The following ERBB4 variants were observed in gnomAD, a reference collection of about 807,000 sequenced individuals.
ERBB4 encodes the protein receptor tyrosine-protein kinase erbB-4.
Under a neutral mutation model 158.0 loss-of-function variants are expected in ERBB4, and 42 were observed. The observed-to-expected ratio is 0.27, with a 90% CI of 0.21 to 0.34. ERBB4 has a LOEUF of 0.34. ERBB4 is among the 10% of genes least tolerant of loss of function. ERBB4 has a pLI of 1.00. For missense variants in ERBB4, 1,333 were observed against 1,624.1 expected, an observed-to-expected ratio of 0.82 and a Z score of 3.08; for synonymous variants, 583 against 558.7, an observed-to-expected ratio of 1.04 and a Z score of -0.61.
intron 3 of ERBB4, among the ~76,000 whole-genome samples, chr2:211,830,986 C>A: frequency 6.6e-6 from 1 of 151,242 alleles, no homozygotes; most frequent in African/African-American, 2.4e-5. Context: ...GAGTGGAACA[C>A]ATTAAAATGT....
chr2:212,395,614 CTTTTTTTTT>C (rs760604732), intron 1 of ERBB4, among the ~76,000 whole-genome samples: 1 of 84,736 alleles, frequency 1.2e-5, no homozygotes, highest in Non-Finnish European at 2.2e-5. Flanking sequence ...CAGTTACACT[CTTTTTTTTT>C]TTTTTTTTTT....
chr2:212,108,699 G>A (rs1443408173), intron 2 of ERBB4, among the ~76,000 whole-genome samples: 1 of 142,042 alleles, frequency 7.0e-6, no homozygotes, highest in East Asian at 2.0e-4. Context: ...TGTTAGAAAT[G>A]GGTCTGCTTT....
chr2:212,095,718 G>A (rs1394204142), intron 2 of ERBB4, among the ~76,000 whole-genome samples: 2 of 152,036 alleles, frequency 1.3e-5, no homozygotes, highest in African/African-American at 4.8e-5. Context: ...GGATCACGAG[G>A]TCAGGAGATC....
At chr2:212,151,009 T>C (rs987252523) in intron 1 of ERBB4, among the ~76,000 whole-genome samples, 2 of 152,098 alleles carry the variant, frequency 1.3e-5, no homozygotes, top group Admixed American at 1.3e-4. Context: ...GGTACCCACC[T>C]TGCAAAAGGT....
At chr2:211,809,813 T>C (rs1304196175) in intron 3 of ERBB4, among the ~76,000 whole-genome samples, 1 of 152,210 alleles carries the variant, frequency 6.6e-6, no homozygotes, top group Non-Finnish European at 1.5e-5. Context: ...TCCTGCTGTC[T>C]CTTGTGGGCA....
chr2:211,697,372 A>G (rs1263444906), intron 12 of ERBB4, among the ~76,000 whole-genome samples: 1 of 152,332 alleles, frequency 6.6e-6, no homozygotes, highest in East Asian at 1.9e-4. Flanking sequence ...CTAGATGAAA[A>G]GAATTGTCTA....
chr2:211,428,597 T>G, intron 21 of ERBB4, 114 bp from the exon 22 acceptor site: 2 of 592,906 alleles, frequency 3.4e-6, no homozygotes, highest in South Asian at 4.2e-5. Flanking sequence ...TTATTATGTG[T>G]GTATAGATAT....
At chr2:211,674,640 A>G (rs1462006337) in intron 13 of ERBB4, among the ~76,000 whole-genome samples, 1 of 152,148 alleles carries the variant, frequency 6.6e-6, no homozygotes, top group Non-Finnish European at 1.5e-5. Context: ...TGCATGCTTC[A>G]CTGACATAAA....
chr2:211,945,692 T>C (rs2080669359), intron 3 of ERBB4, among the ~76,000 whole-genome samples: 1 of 152,084 alleles, frequency 6.6e-6, no homozygotes, highest in Non-Finnish European at 1.5e-5. Context: ...GTATGAAGTA[T>C]GTTTAAATGT....
intron 2 of ERBB4, among the ~76,000 whole-genome samples, chr2:212,055,541 C>A (rs2077534148): frequency 6.6e-6 from 1 of 152,234 alleles, no homozygotes; most frequent in African/African-American, 2.4e-5. Flanking sequence ...TAGGGGCAGA[C>A]TGACACCTCA....
At chr2:212,180,605 C>T (rs1196356612) in intron 1 of ERBB4, among the ~76,000 whole-genome samples, 4 of 151,616 alleles carry the variant, frequency 2.6e-5, no homozygotes, top group Admixed American at 1.3e-4. Context: ...TATGCTGAAT[C>T]GGGTATTTGC....
intron 4 of ERBB4, among the ~76,000 whole-genome samples, chr2:211,756,110 G>A (rs1039550639): frequency 3.9e-5 from 6 of 152,074 alleles, no homozygotes; most frequent in Non-Finnish European, 8.8e-5. Flanking sequence ...TGTGTGTGTG[G>A]GTTCAGGGAG....
intron 1 of ERBB4, among the ~76,000 whole-genome samples, chr2:212,375,595 T>A (rs13016456): frequency 0.23 from 34,578 of 152,056 alleles, 4,238 homozygotes; most frequent in African/African-American, 0.29. Flanking sequence ...CTTAGAAGAA[T>A]GCAGCCTATA....
At chr2:212,395,910 C>T (rs2091012548) in intron 1 of ERBB4, among the ~76,000 whole-genome samples, 1 of 152,084 alleles carries the variant, frequency 6.6e-6, no homozygotes. Context: ...AGCGACCACG[C>T]CCAGCCAGCT....
intron 1 of ERBB4, among the ~76,000 whole-genome samples, chr2:212,294,753 G>A (rs2086347474): frequency 6.6e-6 from 1 of 151,984 alleles, no homozygotes; most frequent in South Asian, 2.1e-4. Context: ...TAATTAAAAA[G>A]TATACTATAA....
intron 2 of ERBB4, among the ~76,000 whole-genome samples, chr2:212,097,704 A>T (rs1414896704): frequency 6.6e-6 from 1 of 152,182 alleles, no homozygotes; most frequent in African/African-American, 2.4e-5. Context: ...ACCAGGAAAT[A>T]ATAGTGTTAG....
chr2:211,753,854 ATTTTTTTTT>A (rs1047804300), intron 4 of ERBB4, among the ~76,000 whole-genome samples: 1 of 121,308 alleles, frequency 8.2e-6, no homozygotes, highest in Non-Finnish European at 1.7e-5. Context: ...AAAAGTCCTG[ATTTTTTTTT>A]TTTTTTTTTT....
At chr2:211,923,733 T>C (rs1433247733) in intron 3 of ERBB4, among the ~76,000 whole-genome samples, 1 of 152,014 alleles carries the variant, frequency 6.6e-6, no homozygotes, top group African/African-American at 2.4e-5. Context: ...TTGTATTGTA[T>C]TGTATTGAGA....
At chr2:212,319,908 C>A (rs1467700129) in intron 1 of ERBB4, among the ~76,000 whole-genome samples, 1 of 150,148 alleles carries the variant, frequency 6.7e-6, no homozygotes, top group African/African-American at 2.4e-5. Context: ...AAGCTAGGGG[C>A]CAAGAACACA....
Sources: gnomAD v4.1 joint callset for allele counts (sites outside exome capture counted in the v4.1 genomes callset) on GRCh38, gnomAD v4.1.1 for gene constraint, MANE v1.5 for transcripts, NCBI Gene and HGNC (gene_info 2026-07-23, HGNC 2026-07-21) for gene names.